Variants in TMC7 observed in about 807,000 individuals in gnomAD.
The protein encoded by TMC7 is transmembrane channel like 7.
In TMC7, 54 loss-of-function variants were observed where a neutral mutation model predicts 82.9. The observed-to-expected ratio is 0.65, with a 90% CI of 0.52 to 0.82. The LOEUF (loss-of-function observed/expected upper bound fraction) is 0.82. TMC7 is among the 40% of genes least tolerant of loss of function. TMC7 has a pLI of 0.00. For missense variants in TMC7, 820 were observed against 901.2 expected, an observed-to-expected ratio of 0.91 and a Z score of 1.15; for synonymous variants, 350 against 337.9, an observed-to-expected ratio of 1.04 and a Z score of -0.39.
At chr16:19,047,429 ACT>A (rs1961329333) in intron 12 of TMC7, among the ~76,000 whole-genome samples, 180 bp downstream of exon 12, 1 of 140,236 alleles carries the variant, frequency 7.1e-6, no homozygotes, top group Admixed American at 7.4e-5. Context: ...ATGGAGTCTC[ACT>A]CTGTCACCCA....
Position 18,984,011 on chromosome 16 carries a change from G to T in TMC7, c.-53G>T. ...GGAAGGCCGGGGAGGCGGCGGCGGC[G>T]GCGGCGGCTGGAGAGGGTCCTCGGC... On this transcript the variant is annotated 5_prime_UTR_variant, in exon 1 of 16. Coordinates refer to ENST00000304381, the MANE Select transcript of TMC7 (RefSeq NM_024847.4). 1 of 1,373,952 alleles carries T rather than the reference G, an allele frequency of 7.3e-7. No homozygotes were observed. The allele number at this position is 1,373,952 out of a possible 1,614,324, so 85.1% of individuals were successfully genotyped here. A position where few individuals can be genotyped will look rare whatever the true frequency, so the allele number is the denominator to read the frequency against.
chr16:19,051,022 A>G (rs951790394), intron 12 of TMC7, among the ~76,000 whole-genome samples: 1 of 152,018 alleles, frequency 6.6e-6, no homozygotes, highest in Non-Finnish European at 1.5e-5. Flanking sequence ...AAAGTGCTGG[A>G]ATTACAGACG....
At chr16:19,045,213 A>T in intron 10 of TMC7, 128 bp from the exon 11 acceptor site, 1 of 868,018 alleles carries the variant, frequency 1.2e-6, no homozygotes, top group South Asian at 1.5e-5. Flanking sequence ...CAGAGTTTGC[A>T]TCAGCTGATG....
At chr16:19,017,603 T>G (rs1460564214) in intron 3 of TMC7, among the ~76,000 whole-genome samples, 1 of 151,388 alleles carries the variant, frequency 6.6e-6, no homozygotes, top group African/African-American at 2.4e-5. Context: ...GAAGAGCATC[T>G]GAGCCCAGGA....
At chr16:18,996,957 C>T (rs868170387) in intron 1 of TMC7, among the ~76,000 whole-genome samples, 6 of 152,336 alleles carry the variant, frequency 3.9e-5, no homozygotes, top group African/African-American at 1.4e-4. Flanking sequence ...AAATGTGTCT[C>T]TTTTGTCTCT....
At chr16:19,045,799 T>C (rs909330154) in intron 11 of TMC7, among the ~76,000 whole-genome samples, 1 of 151,998 alleles carries the variant, frequency 6.6e-6, no homozygotes, top group Non-Finnish European at 1.5e-5. Context: ...GGTTTCACCA[T>C]GTTAGCCAGG....
At chr16:18,986,050 G>T (rs375873724) in intron 1 of TMC7, among the ~76,000 whole-genome samples, 2 of 150,992 alleles carry the variant, frequency 1.3e-5, no homozygotes, top group African/African-American at 4.9e-5. Flanking sequence ...AAAAGAAGAG[G>T]TATGTATCCT....
intron 9 of TMC7, among the ~76,000 whole-genome samples, chr16:19,041,961 C>A (rs1961033534): frequency 6.6e-6 from 1 of 151,926 alleles, no homozygotes; most frequent in African/African-American, 2.4e-5. Flanking sequence ...ATTGTTTCTT[C>A]CTGGTGTGTT....
At chr16:19,009,607 A>C (rs1477464449) in intron 2 of TMC7, among the ~76,000 whole-genome samples, 192 bp downstream of exon 2, 4 of 152,162 alleles carry the variant, frequency 2.6e-5, no homozygotes, top group African/African-American at 9.6e-5. Flanking sequence ...AGCCTTAAAA[A>C]AGAAAAAAAA....
intron 1 of TMC7, among the ~76,000 whole-genome samples, chr16:19,007,417 G>C (rs1436770382): frequency 6.6e-6 from 1 of 152,182 alleles, no homozygotes; most frequent in African/African-American, 2.4e-5. Context: ...GGCCAGTGTG[G>C]CTCATTGGAG....
intron 1 of TMC7, among the ~76,000 whole-genome samples, chr16:18,984,799 T>G (rs1177914023): frequency 6.6e-6 from 1 of 152,180 alleles, no homozygotes; most frequent in African/African-American, 2.4e-5. Context: ...TACAGAAATA[T>G]GTACAACGGC....
At chr16:19,045,067 G>A (rs1961205927) in intron 10 of TMC7, 66 bp downstream of exon 10, 8 of 1,282,724 alleles carry the variant, frequency 6.2e-6, no homozygotes, top group South Asian at 5.9e-5. Flanking sequence ...ATGGTCAAGA[G>A]AACAGCGGTT....
At chr16:19,031,020 G>T (rs1199803272) in intron 6 of TMC7, among the ~76,000 whole-genome samples, 1 of 152,128 alleles carries the variant, frequency 6.6e-6, no homozygotes, top group African/African-American at 2.4e-5. Flanking sequence ...TTATTGAGTG[G>T]CTCACAGATC....
intron 2 of TMC7, among the ~76,000 whole-genome samples, chr16:19,011,817 G>C (rs1378141474): frequency 1.3e-5 from 2 of 152,066 alleles, no homozygotes; most frequent in Non-Finnish European, 1.5e-5. Context: ...AATTTGGGTG[G>C]TCTTGTATTC....
intron 1 of TMC7, among the ~76,000 whole-genome samples, chr16:18,996,915 T>G (rs1039006158): frequency 6.6e-6 from 1 of 152,250 alleles, no homozygotes; most frequent in Admixed American, 6.5e-5. Flanking sequence ...CCCAAGTCCA[T>G]GACTAGCGCC....
intron 1 of TMC7, among the ~76,000 whole-genome samples, chr16:19,003,429 G>A (rs1157502057): frequency 1.8e-4 from 27 of 148,286 alleles, no homozygotes; most frequent in Admixed American, 1.2e-3. Flanking sequence ...CCCCCTGCCC[G>A]GCCAGCCGCC....
chr16:19,048,668 G>A (rs570071076), intron 12 of TMC7, among the ~76,000 whole-genome samples: 8 of 152,116 alleles, frequency 5.3e-5, no homozygotes, highest in African/African-American at 1.9e-4. Context: ...TGATCTGCCC[G>A]CCTCAGCCTC....
At chr16:19,022,283 G>A (rs1481372399) in intron 4 of TMC7, among the ~76,000 whole-genome samples, 1 of 152,106 alleles carries the variant, frequency 6.6e-6, no homozygotes, top group Non-Finnish European at 1.5e-5. Flanking sequence ...ACTGAAAATG[G>A]CAAATCACAA....
intron 2 of TMC7, among the ~76,000 whole-genome samples, chr16:19,014,209 G>A (rs2142188311): frequency 6.6e-6 from 1 of 152,078 alleles, no homozygotes; most frequent in East Asian, 1.9e-4. Context: ...GTTCTCTGTT[G>A]TGGAGGGCTG....
Sources: gnomAD v4.1 joint callset for allele counts (sites outside exome capture counted in the v4.1 genomes callset) on GRCh38, gnomAD v4.1.1 for gene constraint, MANE v1.5 for transcripts, NCBI Gene and HGNC (gene_info 2026-07-23, HGNC 2026-07-21) for gene names.